Variants in SLC13A3 observed in about 807,000 individuals in gnomAD.
SLC13A3 encodes solute carrier family 13 member 3.
In SLC13A3, 40 loss-of-function variants were observed where a neutral mutation model predicts 59.0. The observed-to-expected ratio is 0.68, with a 90% CI of 0.53 to 0.88. The LOEUF (loss-of-function observed/expected upper bound fraction) is 0.88. Ranked by LOEUF, SLC13A3 falls within the 40% of genes least tolerant of loss-of-function variation. The pLI is 0.00. For missense variants in SLC13A3, 699 were observed against 783.2 expected, an observed-to-expected ratio of 0.89 and a Z score of 1.28; for synonymous variants, 317 against 330.3, an observed-to-expected ratio of 0.96 and a Z score of 0.44.
chr20:46,583,222 C>T, intron 9 of SLC13A3: 1 of 545,558 alleles, frequency 1.8e-6, no homozygotes, highest in South Asian at 7.8e-5. Flanking sequence ...AAATTTGATA[C>T]ATGGACACTG....
chr20:46,662,309 C>A (rs1228193016), intron 1 of SLC13A3, among the ~76,000 whole-genome samples: 1 of 152,136 alleles, frequency 6.6e-6, no homozygotes, highest in South Asian at 2.1e-4. Context: ...ATTTCCTATA[C>A]TAGAACCAGA....
intron 12 of SLC13A3, among the ~76,000 whole-genome samples, chr20:46,560,880 C>T (rs2061924944): frequency 6.6e-6 from 1 of 152,232 alleles, no homozygotes; most frequent in Non-Finnish European, 1.5e-5. Context: ...GCTGCCCCGC[C>T]TTCACATAGC....
chr20:46,569,514 A>ACAG lies in SLC13A3; in HGVS notation c.1333-3125_1333-3124insCTG, dbSNP rs201177430. Among the ~76,000 whole-genome samples, 249 of 152,330 alleles carry ACAG rather than the reference A, an allele frequency of 1.6e-3. No homozygotes were observed. The East Asian group carries it at 0.044, about 27-fold the overall frequency. On this transcript the variant is annotated intron_variant, in intron 10 of 12. Coordinates refer to ENST00000279027, the MANE Select transcript of SLC13A3 (RefSeq NM_022829.6). The stretch of plus-strand genomic sequence containing the variant: ...GCAAGTCACTTAACCTCTCTGTGCT[A>ACAG]AAATTTCCTTATCTGTAAACGAGGG...
intron 9 of SLC13A3, chr20:46,583,001 C>T (rs541428739): frequency 6.5e-5 from 64 of 985,986 alleles, no homozygotes; most frequent in African/African-American, 5.8e-4. Context: ...ACTTCCTATA[C>T]GGTTGAAACC....
chr20:46,588,421 G>T (rs555290867), intron 7 of SLC13A3, among the ~76,000 whole-genome samples: 1 of 152,130 alleles, frequency 6.6e-6, no homozygotes, highest in Non-Finnish European at 1.5e-5. Context: ...CCGAAATCGC[G>T]TGTTTCATTA....
At position 46,613,745 on chromosome 20, in the gene SLC13A3, C is replaced by A; in HGVS notation, c.112-20G>T. On this transcript the variant is annotated intron_variant, in intron 1 of 12. Transcript: ENST00000279027. Reference sequence around the variant, plus strand: ...GCCTTCCTGCAGGAGGAGATGCATGCTCAGAGGGTCAGCGGGGCTCGGGGC... The same window carrying A: ...GCCTTCCTGCAGGAGGAGATGCATGATCAGAGGGTCAGCGGGGCTCGGGGC... 1.3e-6 allele frequency: 2 copies of A among 1,575,348 alleles called. No homozygotes were observed. The highest frequency in any genetic ancestry group is 1.7e-6 in the Non-Finnish European group (2 of 1,159,100).
At chr20:46,567,117 G>C (rs1371465100) in intron 10 of SLC13A3, among the ~76,000 whole-genome samples, 1 of 151,972 alleles carries the variant, frequency 6.6e-6, no homozygotes, top group African/African-American at 2.4e-5. Context: ...GCTTGAACCT[G>C]GGAGGGAGAG....
At chr20:46,640,421 T>C (rs1458500008) in intron 1 of SLC13A3, among the ~76,000 whole-genome samples, 1 of 152,136 alleles carries the variant, frequency 6.6e-6, no homozygotes, top group African/African-American at 2.4e-5. Flanking sequence ...GGGCTCACTG[T>C]TGTGTTCTGC....
chr20:46,644,383 C>T (rs1341454946), intron 1 of SLC13A3, among the ~76,000 whole-genome samples: 1 of 152,118 alleles, frequency 6.6e-6, no homozygotes, highest in African/African-American at 2.4e-5. Flanking sequence ...AACTGAGGCA[C>T]GGGACTGACC....
chr20:46,632,071 T>C lies in SLC13A3; in HGVS notation c.112-18346A>G, dbSNP rs536628425. 3.3e-5 allele frequency among the ~76,000 whole-genome samples: 5 copies of C among 152,260 alleles called. No individual in the cohort carries two copies. In the East Asian group the frequency reaches 9.7e-4, roughly 29 times the overall value. ...GGGCAGTGACCAGGCTCTTGGCAGA[T>C]ACTGGTAGCTCTGTGCCAGGCAGAG... On this transcript the variant is annotated intron_variant, in intron 1 of 12. Coordinates refer to ENST00000279027, the MANE Select transcript of SLC13A3 (RefSeq NM_022829.6).
intron 8 of SLC13A3, chr20:46,585,765 C>T (rs923573467): frequency 1.6e-6 from 2 of 1,286,014 alleles, no homozygotes; most frequent in South Asian, 1.3e-5. Context: ...AAAGCATCTA[C>T]ATTTTAGAAA....
At chr20:46,599,831 T>C (rs1600540044) in intron 4 of SLC13A3, 140 bp downstream of exon 4, 3 of 508,314 alleles carry the variant, frequency 5.9e-6, no homozygotes, top group Admixed American at 6.7e-5. Flanking sequence ...GCCACAGAGA[T>C]GAATGGTGGA....
intron 9 of SLC13A3, chr20:46,582,535 C>T (rs1163894765): frequency 7.5e-6 from 5 of 668,928 alleles, no homozygotes; most frequent in Non-Finnish European, 9.2e-6. Flanking sequence ...CCCAAGAGTT[C>T]GAGACTGCGC....
At chr20:46,624,560 A>C (rs1396568484) in intron 1 of SLC13A3, among the ~76,000 whole-genome samples, 1 of 152,230 alleles carries the variant, frequency 6.6e-6, no homozygotes, top group Non-Finnish European at 1.5e-5. Flanking sequence ...GGGGAGATGG[A>C]GAGAGCTAGA....
chr20:46,657,190 A>G (rs1044902251), intron 1 of SLC13A3, among the ~76,000 whole-genome samples: 2 of 152,108 alleles, frequency 1.3e-5, no homozygotes, highest in Admixed American at 1.3e-4. Context: ...ATCAGAGAGC[A>G]CTGAGCTTGT....
At chr20:46,630,797 GA>G (rs2062728709) in intron 1 of SLC13A3, among the ~76,000 whole-genome samples, 1 of 152,126 alleles carries the variant, frequency 6.6e-6, no homozygotes, top group Non-Finnish European at 1.5e-5. Context: ...ATGGGATTTG[GA>G]ATTAAAGGAG....
intron 1 of SLC13A3, among the ~76,000 whole-genome samples, chr20:46,622,532 T>C (rs1020231168): frequency 1.6e-4 from 25 of 152,108 alleles, no homozygotes; most frequent in African/African-American, 5.8e-4. Context: ...CCTATTGTAC[T>C]TTAAAATATG....
intron 1 of SLC13A3, among the ~76,000 whole-genome samples, chr20:46,620,170 T>C (rs377267017): frequency 5.3e-5 from 8 of 152,374 alleles, no homozygotes; most frequent in African/African-American, 1.7e-4. Context: ...ACTATGTGCC[T>C]GGGACTGTTC....
rs186626590 is a variant in SLC13A3, at chr20:46,588,501, A to G, written c.1017-338T>C. On this transcript the variant is annotated intron_variant, in intron 7 of 12. Transcript: ENST00000279027. ...GAAACAGAGACAGAGTCCGAAAAGC[A>G]GAGAGGAAGAGAAACAGACAGAAAT... 5.9e-4 allele frequency among the ~76,000 whole-genome samples: 90 copies of G among 152,314 alleles called. 3 individuals are homozygous for G. The East Asian group carries it at 0.014, about 23-fold the overall frequency.
Sources: gnomAD v4.1 joint callset for allele counts (sites outside exome capture counted in the v4.1 genomes callset) on GRCh38, gnomAD v4.1.1 for gene constraint, MANE v1.5 for transcripts, NCBI Gene and HGNC (gene_info 2026-07-23, HGNC 2026-07-21) for gene names.